GASK1A: variants seen among roughly 807,000 people sequenced by gnomAD.
GASK1A encodes Golgi-associated kinase 1A.
GASK1A carries 40 observed loss-of-function variants against 41.2 expected under a neutral mutation model. That is an observed-to-expected ratio of 0.97 (90% CI 0.75 to 1.27). GASK1A has a LOEUF of 1.27. GASK1A is among the 50% of genes most tolerant of loss of function. The pLI is 0.00. For missense variants in GASK1A, 678 were observed against 745.1 expected (o/e 0.91, Z 1.05); for synonymous variants, 316 against 307.1 (o/e 1.03, Z -0.30).
At position 43,033,674 on chromosome 3, in the gene GASK1A, C is replaced by T. The variant is rs1024135224; in HGVS notation, c.1290+121C>T. 2.6e-5 allele frequency: 22 copies of T among 862,312 alleles called. No homozygotes were observed. The African/African-American group carries it at 2.9e-4, about 11-fold the overall frequency. The allele number at this position is 862,312 out of a possible 1,614,324, so 53.4% of individuals were successfully genotyped here. On this transcript the variant is annotated intron_variant, in intron 2 of 4. Coordinates refer to ENST00000430121, the MANE Select transcript of GASK1A (RefSeq NM_001129908.3). The stretch of plus-strand genomic sequence containing the variant: ...CTCCCCCAAGTCTTGGTTTTTTGAC[C>T]ACCAAGCACCTGCTTTTGTAATTTT...
chr3:43,019,315 T>C (rs1371413336), intron 1 of GASK1A, among the ~76,000 whole-genome samples: 1 of 152,168 alleles, frequency 6.6e-6, no homozygotes, highest in Admixed American at 6.5e-5. Flanking sequence ...TGCCTGTTAT[T>C]CTGCCCACAG....
intron 1 of GASK1A, among the ~76,000 whole-genome samples, chr3:43,006,984 A>T (rs1400342681): frequency 6.6e-6 from 1 of 151,800 alleles, no homozygotes. Flanking sequence ...TGTACCCCTC[A>T]GTATCACACA....
At chr3:43,001,395 T>C (rs1575437805) in intron 1 of GASK1A, among the ~76,000 whole-genome samples, 3 of 152,068 alleles carry the variant, frequency 2.0e-5, no homozygotes, top group African/African-American at 7.2e-5. Flanking sequence ...TAGCCTGCAA[T>C]GGACTTGGCC....
chr3:43,055,920 C>T (rs143167868), intron 4 of GASK1A: 33 of 498,946 alleles, frequency 6.6e-5, no homozygotes, highest in African/African-American at 3.6e-4. Flanking sequence ...CCTGGGATAG[C>T]GGAATTTATT....
At chr3:42,979,908 G>A (rs1366963481) in intron 1 of GASK1A, among the ~76,000 whole-genome samples, 1 of 152,174 alleles carries the variant, frequency 6.6e-6, no homozygotes, top group South Asian at 2.1e-4. Flanking sequence ...TGACCTAACC[G>A]TAACCCACTC....
chr3:43,050,187 G>C (rs2089682483), intron 2 of GASK1A, among the ~76,000 whole-genome samples: 1 of 152,022 alleles, frequency 6.6e-6, no homozygotes, highest in African/African-American at 2.4e-5. Flanking sequence ...CCTCCTTTTA[G>C]TATTTCTTGT....
At chr3:43,050,705 T>C (rs1307496292) in intron 2 of GASK1A, among the ~76,000 whole-genome samples, 2 of 152,140 alleles carry the variant, frequency 1.3e-5, no homozygotes, top group African/African-American at 2.4e-5. Flanking sequence ...TTTTTCTTCA[T>C]TTTTTTCTTC....
At chr3:42,979,720 A>T in intron 1 of GASK1A, 75 bp downstream of exon 1, 3 of 1,236,832 alleles carry the variant, frequency 2.4e-6, no homozygotes, top group Non-Finnish European at 3.1e-6. Flanking sequence ...GTCAACGCGC[A>T]GCGGCCCAGG....
In GASK1A at chr3:42,989,272, A is replaced by T. The variant is rs543367814; in HGVS notation, c.3+9627A>T. ...TCCTACAGAGCCTGGGAAAAGGTGC[A>T]TTAATGGATGGGGTGGGTCCTCACA... On this transcript the variant is annotated intron_variant, in intron 1 of 4. Transcript: ENST00000430121. Among the ~76,000 whole-genome samples the T allele has an allele frequency of 2.0e-5, 3 of 152,272 alleles. No homozygotes were observed. The East Asian group carries it at 5.8e-4, about 29-fold the overall frequency.
chr3:43,048,778 G>C (rs1355489567), intron 2 of GASK1A, among the ~76,000 whole-genome samples: 1 of 152,204 alleles, frequency 6.6e-6, no homozygotes, highest in African/African-American at 2.4e-5. Context: ...TACATATGGG[G>C]ACTGTATGGT....
intron 1 of GASK1A, 30 bp downstream of exon 1, chr3:42,979,675 G>A (rs1265154832): frequency 1.6e-6 from 2 of 1,245,808 alleles, no homozygotes; most frequent in African/African-American, 1.6e-5. Context: ...ACGCGCGAGC[G>A]GAGGGTGGGG....
chr3:42,980,821 T>A (rs964386935), intron 1 of GASK1A, among the ~76,000 whole-genome samples: 1 of 152,066 alleles, frequency 6.6e-6, no homozygotes, highest in Non-Finnish European at 1.5e-5. Context: ...AATCTTAAGC[T>A]TCAAAAGGGG....
At chr3:43,000,356 A>C (rs2089402693) in intron 1 of GASK1A, among the ~76,000 whole-genome samples, 1 of 152,274 alleles carries the variant, frequency 6.6e-6, no homozygotes, top group South Asian at 2.1e-4. Flanking sequence ...CTTCAGTCAG[A>C]TTCCTCTTGG....
At chr3:42,983,807 G>A (rs1575432636) in intron 1 of GASK1A, among the ~76,000 whole-genome samples, 1 of 152,206 alleles carries the variant, frequency 6.6e-6, no homozygotes, top group Non-Finnish European at 1.5e-5. Flanking sequence ...GCAGGGCTGG[G>A]CAGGGAGCAG....
intron 1 of GASK1A, among the ~76,000 whole-genome samples, chr3:43,031,419 G>A (rs577955495): frequency 2.0e-4 from 30 of 152,264 alleles, no homozygotes; most frequent in South Asian, 6.2e-4. Context: ...TTCTGATTCC[G>A]GAATTCTGGT....
chr3:43,053,310 G>A (rs1052303893), intron 2 of GASK1A, among the ~76,000 whole-genome samples: 5 of 152,244 alleles, frequency 3.3e-5, no homozygotes, highest in African/African-American at 9.6e-5. Flanking sequence ...CCTGAGGCAT[G>A]AGCAAACAGC....
intron 1 of GASK1A, among the ~76,000 whole-genome samples, chr3:42,988,120 A>G (rs562875568): frequency 1.3e-5 from 2 of 151,820 alleles, no homozygotes; most frequent in South Asian, 4.2e-4. Context: ...CAGCCAGTGT[A>G]GACACCTGGC....
chr3:42,987,319 G>A (rs1039894497), intron 1 of GASK1A, among the ~76,000 whole-genome samples: 2 of 152,208 alleles, frequency 1.3e-5, no homozygotes, highest in Non-Finnish European at 2.9e-5. Context: ...AGAGGAAGGG[G>A]AAGGGGTGTC....
In GASK1A at chr3:43,003,129, A is replaced by G. The variant is rs1362816802; in HGVS notation, c.3+23484A>G. On this transcript the variant is annotated intron_variant, in intron 1 of 4. Transcript: ENST00000430121. ...AAATAGCTACTTTACTTGGTCCCAT[A>G]ATCCCTTCAGATTATGTCTAGTACA... Among the ~76,000 whole-genome samples, 4 of 152,188 alleles carry G rather than the reference A, an allele frequency of 2.6e-5. No individual in the cohort carries two copies. In the East Asian group the frequency reaches 7.7e-4, roughly 29 times the overall value.
Sources: gnomAD v4.1 joint callset for allele counts (sites outside exome capture counted in the v4.1 genomes callset) on GRCh38, gnomAD v4.1.1 for gene constraint, MANE v1.5 for transcripts, NCBI Gene and HGNC (gene_info 2026-07-23, HGNC 2026-07-21) for gene names.